AKAP9: variants seen among roughly 807,000 people sequenced by gnomAD.
AKAP9 encodes A-kinase anchor protein 9.
A neutral mutation model predicts 488.5 loss-of-function variants in AKAP9; 311 were observed. The ratio of observed to expected loss-of-function variants is 0.64; its 90% CI spans 0.58 to 0.70. AKAP9 has a LOEUF of 0.70. Among genes scored for constraint, AKAP9 ranks in the 30% least tolerant of loss-of-function variants. The pLI is 0.00. For synonymous variants in AKAP9, 1,462 were observed against 1,483.5 expected, an observed-to-expected ratio of 0.99 and a Z score of 0.33; for missense variants, 4,215 against 4,374.5, an observed-to-expected ratio of 0.96 and a Z score of 1.03.
chr7:91,953,005 G>A (rs2130476444), intron 1 of AKAP9, among the ~76,000 whole-genome samples: 1 of 152,268 alleles, frequency 6.6e-6, no homozygotes, highest in Admixed American at 6.5e-5. Context: ...TTAAGCTGGG[G>A]AATAATATGG....
intron 24 of AKAP9, chr7:92,063,447 T>C (rs1275028245): frequency 1.0e-5 from 10 of 975,960 alleles, no homozygotes; most frequent in African/African-American, 9.0e-5. Context: ...TTTTTTTTTT[T>C]CTCTATTTTC....
At chr7:92,007,393 A>AAT (rs1441552841) in intron 8 of AKAP9, among the ~76,000 whole-genome samples, 2 of 146,008 alleles carry the variant, frequency 1.4e-5, no homozygotes, top group Non-Finnish European at 3.0e-5. Flanking sequence ...GTGGGATTAC[A>AAT]GGTGGCCTCC....
chr7:92,032,472 G>C (rs1458983962), intron 16 of AKAP9, among the ~76,000 whole-genome samples: 2 of 147,164 alleles, frequency 1.4e-5, no homozygotes, highest in African/African-American at 5.1e-5. Context: ...CTCCAGCTTG[G>C]CCAACAAAAG....
At chr7:92,046,993 T>C (rs1807113841) in intron 21 of AKAP9, among the ~76,000 whole-genome samples, 1 of 152,198 alleles carries the variant, frequency 6.6e-6, no homozygotes, top group Admixed American at 6.5e-5. Context: ...GCAGACAACA[T>C]ACCTTGAAAG....
chr7:92,083,413 G>T lies in AKAP9; in HGVS notation c.8404G>T (p.Ala2802Ser), dbSNP rs1469597087. 20 of 1,613,894 alleles carry T rather than the reference G, an allele frequency of 1.2e-5. No homozygotes were observed. Among genetic ancestry groups the T allele is most frequent in the East Asian group, 2.2e-5 (1 of 44,868 alleles). ...GACTCCACAAATTCTTGTTAAAAAT[G>T]CAGGAATACAAATTAATTTACAGAG... ...NQTPQILVKN[A>S]GIQINLQSEC... The change falls in exon 33 of 50, where the codon GCA becomes TCA. Residue 2802 changes from alanine (A) to serine (S), a missense_variant. Physicochemically the swap from Ala to Ser is moderately conservative, Grantham distance 99. Around this residue, in one of 5 missense-constraint regions of AKAP9, gnomAD observed 1,476 missense variants for 1,477.4 expected, o/e 1.00. Transcript: ENST00000356239.
intron 37 of AKAP9, among the ~76,000 whole-genome samples, chr7:92,088,331 A>G (rs769217745): frequency 2.6e-5 from 4 of 152,182 alleles, no homozygotes; most frequent in Non-Finnish European, 5.9e-5. Context: ...AGAACACTAC[A>G]TCTATCAAAA....
chr7:92,050,640 T>C (rs542230383), intron 21 of AKAP9, among the ~76,000 whole-genome samples: 84 of 152,296 alleles, frequency 5.5e-4, no homozygotes, highest in African/African-American at 1.9e-3. Context: ...GATTATGATA[T>C]ACAGAGACTT....
intron 9 of AKAP9, 25 bp from the exon 10 acceptor site, chr7:92,014,224 C>A (rs1268194896): frequency 1.8e-5 from 27 of 1,535,028 alleles, no homozygotes; most frequent in Non-Finnish European, 2.4e-5. Flanking sequence ...AATTGAATTT[C>A]TTAATCCATT....
Position 92,077,008 on chromosome 7 carries a change from G to A in AKAP9, c.6765+1G>A. 1 of 1,541,964 alleles carries A rather than the reference G, an allele frequency of 6.5e-7. No individual in the cohort carries two copies. The highest frequency in any genetic ancestry group is 8.8e-7 in the Non-Finnish European group (1 of 1,138,458). ...TGAACAGGAAAACAAATTATTTAAG[G>A]TAATTAGTTAAGAAAAACTTTTATC... On this transcript the variant is annotated splice_donor_variant, in intron 29 of 49. Transcript: ENST00000356239. LOFTEE classifies it high-confidence loss of function.
Position 92,022,822 on chromosome 7 carries a change from C to A in AKAP9, c.3961C>A (p.His1321Asn), listed in dbSNP as rs2130731806. The A allele has an allele frequency of 1.9e-6, 3 of 1,589,228 alleles. No individual in the cohort carries two copies. The highest frequency in any genetic ancestry group is 1.1e-5 in the South Asian group (1 of 90,200). Reference sequence around the variant, plus strand: ...CTCTTTATATAACATAGATGTCAATCATAAAAGCAAGTTATCTTCTCTGCA... The same window carrying A: ...CTCTTTATATAACATAGATGTCAATAATAAAAGCAAGTTATCTTCTCTGCA... The part of the protein sequence containing the change: ...MTNLEDIDVN[H>N]KSKLSSLQDL... Residue 1321 changes from histidine to asparagine, a missense_variant, in exon 14 of 50, where the codon CAT becomes AAT. Physicochemically the swap from His to Asn is moderately conservative, Grantham distance 68 (BLOSUM62 1). This residue lies in a region of AKAP9 where 2,361 missense variants were observed against 2,430.0 expected (regional missense o/e 0.97). Transcript: ENST00000356239.
intron 24 of AKAP9, 62 bp from the exon 25 acceptor site, chr7:92,065,169 A>T: frequency 8.8e-7 from 1 of 1,136,280 alleles, no homozygotes; most frequent in South Asian, 1.5e-5. Context: ...GTTATCAGGG[A>T]TTTCATTATC....
At chr7:91,952,310 C>T (rs1792359897) in intron 1 of AKAP9, among the ~76,000 whole-genome samples, 1 of 152,168 alleles carries the variant, frequency 6.6e-6, no homozygotes, top group South Asian at 2.1e-4. Flanking sequence ...TTACTACTTG[C>T]TAGGCACTTT....
chr7:92,056,601 C>CCCT (rs918409289), intron 22 of AKAP9, among the ~76,000 whole-genome samples: 2 of 151,302 alleles, frequency 1.3e-5, no homozygotes, highest in Admixed American at 1.3e-4. Context: ...CCCTAATAAA[C>CCCT]AAAAAATTTT....
At chr7:92,097,399 C>T in intron 41 of AKAP9, 42 bp downstream of exon 41, 11 of 1,599,652 alleles carry the variant, frequency 6.9e-6, no homozygotes, top group Non-Finnish European at 9.4e-6. Flanking sequence ...AAGGAAAGCA[C>T]TGCAGCCCTT....
chr7:92,061,528 A>C, intron 23 of AKAP9, 106 bp downstream of exon 23: 1 of 1,244,572 alleles, frequency 8.0e-7, no homozygotes, highest in Non-Finnish European at 1.1e-6. Context: ...ATTTAGAATG[A>C]CCATTAAAAA....
At chr7:92,080,245 C>A in intron 31 of AKAP9, 93 bp downstream of exon 31, 2 of 963,090 alleles carry the variant, frequency 2.1e-6, no homozygotes, top group Non-Finnish European at 3.0e-6. Context: ...TTACATCTAA[C>A]AATTTATACA....
intron 8 of AKAP9, among the ~76,000 whole-genome samples, chr7:92,009,128 G>C (rs1259948099): frequency 1.3e-5 from 2 of 152,018 alleles, no homozygotes; most frequent in African/African-American, 4.8e-5. Context: ...AGACCAACCT[G>C]GGCAATATAG....
At chr7:91,952,231 T>C (rs1415978246) in intron 1 of AKAP9, among the ~76,000 whole-genome samples, 2 of 152,176 alleles carry the variant, frequency 1.3e-5, no homozygotes, top group African/African-American at 4.8e-5. Context: ...CACGATACAA[T>C]AAGTTAAGTA....
intron 22 of AKAP9, among the ~76,000 whole-genome samples, chr7:92,056,673 G>A (rs1808840150): frequency 6.6e-6 from 1 of 151,830 alleles, no homozygotes. Flanking sequence ...CCATCTCCCT[G>A]TAGATTCTGG....
Sources: gnomAD v4.1 joint callset for allele counts (sites outside exome capture counted in the v4.1 genomes callset) on GRCh38, gnomAD v4.1.1 for gene constraint, gnomAD v4.1.1 regional missense constraint, MANE v1.5 for transcripts, NCBI Gene and HGNC (gene_info 2026-07-23, HGNC 2026-07-21) for gene names.